LCOR: variants seen among roughly 807,000 people sequenced by gnomAD.
LCOR encodes the protein ligand dependent nuclear receptor corepressor.
Under a neutral mutation model 64.4 loss-of-function variants are expected in LCOR, and 14 were observed. That is an observed-to-expected ratio of 0.22 (90% CI 0.14 to 0.34). LCOR has a LOEUF of 0.34. Among genes scored for constraint, LCOR ranks in the 10% least tolerant of loss-of-function variants. LCOR has a pLI of 1.00. For missense variants in LCOR, 1,686 were observed against 1,765.3 expected (o/e 0.96, Z 0.80); for synonymous variants, 643 against 642.5 (o/e 1.00, Z -0.01).
chr10:96,964,501 G>A (rs976109946), intron 7 of LCOR: 1 of 151,784 alleles, frequency 6.6e-6, no homozygotes, highest in Non-Finnish European at 1.5e-5. Flanking sequence ...TCAAAAAATG[G>A]GTAAAAGTTG....
At chr10:96,835,278 A>AT (rs996475661) in intron 2 of LCOR, among the ~76,000 whole-genome samples, 3 of 152,176 alleles carry the variant, frequency 2.0e-5, no homozygotes, top group Non-Finnish European at 4.4e-5. Flanking sequence ...ATTTTGATTC[A>AT]TTTTTTGAAG....
Position 96,982,298 on chromosome 10 carries a change from C to T in LCOR, c.1838C>T (p.Ala613Val), listed in dbSNP as rs1270457456. ...SSSPRSEETT[A>V]SSLVWPLPAH... is the part of the protein sequence containing the mutation. Reference sequence around the variant, plus strand: ...TCCCCTAGGTCAGAGGAAACGACAGCCTCCAGCCTGGTGTGGCCTCTCCCT... The same window carrying T: ...TCCCCTAGGTCAGAGGAAACGACAGTCTCCAGCCTGGTGTGGCCTCTCCCT... The change falls in exon 8 of 8, where the codon GCC becomes GTC. Residue 613 changes from alanine (A) to valine (V), a missense_variant. Around this residue, in one of 3 missense-constraint regions of LCOR, gnomAD observed 1,293 missense variants for 1,410.4 expected, o/e 0.92. Coordinates refer to ENST00000421806, the MANE Select transcript of LCOR (RefSeq NM_001346516.2). The T allele has an allele frequency of 6.2e-7, 1 of 1,614,110 alleles. No individual in the cohort carries two copies. Among genetic ancestry groups the T allele is most frequent in the Non-Finnish European group, 8.5e-7 (1 of 1,180,042 alleles).
intron 1 of LCOR, chr10:96,833,160 G>A (rs1371014065): frequency 4.1e-6 from 4 of 985,490 alleles, no homozygotes; most frequent in Non-Finnish European, 4.8e-6. Flanking sequence ...GCGGGAGGAG[G>A]GGGTGGGACC....
Position 96,984,188 on chromosome 10 carries a change from C to T in LCOR, c.3728C>T (p.Pro1243Leu). 1 of 1,614,126 alleles carries T rather than the reference C, an allele frequency of 6.2e-7. No individual in the cohort carries two copies. Among genetic ancestry groups the T allele is most frequent in the Non-Finnish European group, 8.5e-7 (1 of 1,180,024 alleles). ...ERLKKHLKKF[P>L]GATPAKNNWK... is the part of the protein sequence containing the mutation. ...TTGAAAAAGCACTTGAAGAAATTTCCTGGAGCTACCCCTGCTAAGAATAAT... is the reference window on the plus strand; with the variant it reads ...TTGAAAAAGCACTTGAAGAAATTTCTTGGAGCTACCCCTGCTAAGAATAAT... The change falls in exon 8 of 8, where the codon CCT becomes CTT. Residue 1243 changes from proline (P) to leucine (L), a missense_variant. Pro to Leu is a moderately conservative substitution (Grantham distance 98). Transcript: ENST00000421806.
rs1472034094 is a variant in LCOR at position 96,955,405 on chromosome 10, A to G, written c.332+3209A>G. ...AAGATACCACAAGTTCGAGGAATGG[A>G]TCTTTCTTGGGAGTCTCGCACTGGT... On this transcript the variant is annotated intron_variant, in intron 7 of 7. Coordinates refer to ENST00000421806, the MANE Select transcript of LCOR (RefSeq NM_001346516.2). 1 of 1,614,176 alleles carries G rather than the reference A, an allele frequency of 6.2e-7. No homozygotes were observed. The highest frequency in any genetic ancestry group is 1.1e-5 in the South Asian group (1 of 91,086).
Position 96,875,241 on chromosome 10 carries a change from G to A in LCOR, c.-329-32024G>A, listed in dbSNP as rs189750292. Among the ~76,000 whole-genome samples the A allele has an allele frequency of 3.9e-5, 6 of 151,998 alleles. No individual in the cohort carries two copies. The East Asian group carries it at 7.8e-4, about 20-fold the overall frequency. On this transcript the variant is annotated intron_variant, in intron 2 of 7. Transcript: ENST00000421806. ...CTACTAAAAATACAAAAAGTTAGCC[G>A]AGCGTGGTGGCAGGTGCCTGTTGTC...
At chr10:96,906,348 A>T (rs770320618) in intron 2 of LCOR, among the ~76,000 whole-genome samples, 2 of 152,170 alleles carry the variant, frequency 1.3e-5, no homozygotes, top group African/African-American at 4.8e-5. Context: ...CCTTGTTTGT[A>T]ATAACCATTT....
intron 7 of LCOR, chr10:96,962,153 A>ATT (rs1847891700): frequency 6.6e-6 from 1 of 152,114 alleles, no homozygotes; most frequent in African/African-American, 2.4e-5. Context: ...AAAAGACAAT[A>ATT]ACATTTTGTA....
chr10:96,993,533 T>C lies in LCOR; in HGVS notation c.*8399T>C, dbSNP rs925899458. 2 of 152,094 alleles carry C rather than the reference T, an allele frequency of 1.3e-5. No homozygotes were observed. Among genetic ancestry groups the C allele is most frequent in the Non-Finnish European group, 2.9e-5 (2 of 68,014 alleles). 9.4% of individuals were successfully genotyped at this position (152,094 alleles called of 1,614,324 possible). ...TAGTTTTCTAAAAATATTTATTACT[T>C]GTGCTGTATACAAATTCATGTTCTG... On this transcript the variant is annotated 3_prime_UTR_variant, in exon 8 of 8. Transcript: ENST00000421806.
intron 2 of LCOR, among the ~76,000 whole-genome samples, chr10:96,880,054 C>A (rs912326044): frequency 6.6e-6 from 1 of 152,152 alleles, no homozygotes; most frequent in African/African-American, 2.4e-5. Flanking sequence ...TTCATATATT[C>A]CCCTATTTAA....
intron 2 of LCOR, among the ~76,000 whole-genome samples, chr10:96,835,082 G>A (rs544549264): frequency 6.6e-6 from 1 of 152,058 alleles, no homozygotes; most frequent in Non-Finnish European, 1.5e-5. Context: ...TGTACTTTTG[G>A]TAGAGACGGG....
At chr10:96,845,056 G>T (rs771503558) in intron 2 of LCOR, among the ~76,000 whole-genome samples, 2 of 152,130 alleles carry the variant, frequency 1.3e-5, no homozygotes, top group African/African-American at 2.4e-5. Flanking sequence ...TGACAGAAAA[G>T]GAAGTTGCTG....
At chr10:96,853,372 C>T (rs768925127) in intron 2 of LCOR, among the ~76,000 whole-genome samples, 1 of 152,108 alleles carries the variant, frequency 6.6e-6, no homozygotes, top group Non-Finnish European at 1.5e-5. Flanking sequence ...ACATCATAAA[C>T]GGAAGAATAA....
At position 96,952,088 on chromosome 10, in the gene LCOR, T is replaced by C; in HGVS notation, c.239-15T>C. The stretch of plus-strand genomic sequence containing the variant: ...AGCTTTTAATATCCTCAGGTGTTTC[T>C]TTGTGTCTCTGCAGACGGTGTACTT... On this transcript the variant is annotated splice_polypyrimidine_tract_variant and intron_variant, in intron 6 of 7. Coordinates refer to ENST00000421806, the MANE Select transcript of LCOR (RefSeq NM_001346516.2). 1.9e-6 allele frequency: 3 copies of C among 1,600,150 alleles called. No individual in the cohort carries two copies. In the South Asian group the frequency reaches 3.3e-5, roughly 18 times the overall value.
Position 96,984,780 on chromosome 10 carries a change from G to A in LCOR, c.4320G>A (p.Arg1440=). 6.2e-7 allele frequency: 1 copy of A among 1,614,006 alleles called. No individual in the cohort carries two copies. The highest frequency in any genetic ancestry group is 8.5e-7 in the Non-Finnish European group (1 of 1,179,994). The change falls in exon 8 of 8, where the codon AGG becomes AGA. Residue 1440 remains arginine (R), a synonymous_variant. Coordinates refer to ENST00000421806, the MANE Select transcript of LCOR (RefSeq NM_001346516.2). ...KTPAAKRPAA[R]DRSSQPPKKT... ...CTGCTGCCAAGAGGCCAGCTGCAAG[G>A]GACAGAAGCAGCCAACCCCCCAAAA...
At chr10:96,955,626 T>G (rs1464700903) in intron 7 of LCOR, 1 of 1,614,074 alleles carries the variant, frequency 6.2e-7, no homozygotes, top group South Asian at 1.1e-5. Flanking sequence ...AGACCCTGGC[T>G]CCAAGCAGCC....
At chr10:96,974,396 T>C (rs1848021602) in intron 7 of LCOR, among the ~76,000 whole-genome samples, 1 of 152,236 alleles carries the variant, frequency 6.6e-6, no homozygotes, top group Non-Finnish European at 1.5e-5. Context: ...TAACGAATAA[T>C]TCACTTGACT....
intron 4 of LCOR, among the ~76,000 whole-genome samples, chr10:96,939,873 G>A (rs1847419227): frequency 6.6e-6 from 1 of 152,222 alleles, no homozygotes; most frequent in Admixed American, 6.5e-5. Context: ...TGAGGCAAGA[G>A]AATCATTTGA....
intron 2 of LCOR, among the ~76,000 whole-genome samples, chr10:96,858,696 A>C (rs1322995678): frequency 6.6e-6 from 1 of 152,148 alleles, no homozygotes; most frequent in Non-Finnish European, 1.5e-5. Context: ...AAACTTTATG[A>C]ATGTTTGGAT....
Sources: allele counts gnomAD v4.1 joint callset (sites outside exome capture counted in the v4.1 genomes callset), GRCh38; gene constraint gnomAD v4.1.1; regional missense constraint gnomAD v4.1.1; transcripts MANE v1.5; gene names NCBI Gene and HGNC (gene_info 2026-07-23, HGNC 2026-07-21).